The following ARHGEF26 variants were observed in gnomAD, a reference collection of about 807,000 sequenced individuals.
The protein encoded by ARHGEF26 is Rho guanine nucleotide exchange factor (GEF) 26.
A neutral mutation model predicts 89.4 loss-of-function variants in ARHGEF26; 59 were observed. The ratio of observed to expected loss-of-function variants is 0.66; its 90% CI spans 0.54 to 0.82. ARHGEF26 has a LOEUF of 0.82. Ranked by LOEUF, ARHGEF26 falls within the 40% of genes least tolerant of loss-of-function variation. The pLI is 0.00. For synonymous variants in ARHGEF26, 500 were observed against 428.4 expected, an observed-to-expected ratio of 1.17 and a Z score of -2.06; for missense variants, 1,234 against 1,085.6, an observed-to-expected ratio of 1.14 and a Z score of -1.92.
chr3:154,123,115 G>A (rs778716351), intron 2 of ARHGEF26, 40 bp downstream of exon 2: 2 of 1,607,384 alleles, frequency 1.2e-6, no homozygotes, highest in East Asian at 4.5e-5. Flanking sequence ...TTCACTAAGC[G>A]GAAAGTAAAT....
intron 7 of ARHGEF26, among the ~76,000 whole-genome samples, chr3:154,189,615 G>A (rs1270338611): frequency 1.3e-5 from 2 of 152,084 alleles, no homozygotes; most frequent in South Asian, 2.1e-4. Context: ...GGGATTACAC[G>A]CGTAAGCCAC....
chr3:154,217,459 C>T (rs576095136), intron 9 of ARHGEF26, among the ~76,000 whole-genome samples: 12 of 152,032 alleles, frequency 7.9e-5, no homozygotes, highest in South Asian at 4.2e-4. Flanking sequence ...GAGTAGGTTG[C>T]GAAAATTTTC....
intron 6 of ARHGEF26, among the ~76,000 whole-genome samples, chr3:154,184,695 C>T (rs1713410882): frequency 1.3e-5 from 2 of 152,172 alleles, no homozygotes. Flanking sequence ...GTCAGCTTGC[C>T]CAGATTAGCC....
intron 11 of ARHGEF26, among the ~76,000 whole-genome samples, chr3:154,231,081 A>G (rs1430959614): frequency 6.6e-6 from 1 of 152,182 alleles, no homozygotes; most frequent in African/African-American, 2.4e-5. Context: ...TATCCTGGCT[A>G]AAGGAAAGGC....
At chr3:154,149,206 C>G (rs1158362694) in intron 4 of ARHGEF26, among the ~76,000 whole-genome samples, 183 bp from the exon 5 acceptor site, 1 of 146,764 alleles carries the variant, frequency 6.8e-6, no homozygotes, top group Non-Finnish European at 1.5e-5. Flanking sequence ...TATTGTCTGG[C>G]ACACTATAAA....
At chr3:154,187,192 C>T (rs1713622896) in intron 6 of ARHGEF26, 3 of 984,248 alleles carry the variant, frequency 3.0e-6, no homozygotes, top group Non-Finnish European at 3.6e-6. Context: ...ACCTCCTGGC[C>T]TCAGACTTAT....
intron 6 of ARHGEF26, among the ~76,000 whole-genome samples, chr3:154,174,441 T>A (rs544149365): frequency 1.2e-4 from 18 of 152,228 alleles, no homozygotes; most frequent in African/African-American, 4.3e-4. Flanking sequence ...ATACAATGGC[T>A]GGGGCTTGTG....
chr3:154,214,536 C>A (rs1246947074), intron 9 of ARHGEF26, among the ~76,000 whole-genome samples: 1 of 152,096 alleles, frequency 6.6e-6, no homozygotes, highest in Non-Finnish European at 1.5e-5. Flanking sequence ...CCAGGATAGA[C>A]AGTGTGGAGC....
At chr3:154,159,684 T>G (rs1711549241) in intron 6 of ARHGEF26, among the ~76,000 whole-genome samples, 1 of 152,144 alleles carries the variant, frequency 6.6e-6, no homozygotes, top group African/African-American at 2.4e-5. Flanking sequence ...TTTATGTAAA[T>G]AATAGTATAG....
intron 6 of ARHGEF26, among the ~76,000 whole-genome samples, chr3:154,168,165 C>T (rs376641211): frequency 7.2e-5 from 11 of 152,230 alleles, no homozygotes; most frequent in South Asian, 2.1e-4. Context: ...CAGATAGTAT[C>T]CCAGATCTCA....
At chr3:154,189,866 A>G (rs1327365690) in intron 7 of ARHGEF26, among the ~76,000 whole-genome samples, 1 of 151,842 alleles carries the variant, frequency 6.6e-6, no homozygotes, top group Non-Finnish European at 1.5e-5. Context: ...AAATCTTGTC[A>G]AAGCTATCAG....
chr3:154,246,768 G>A (rs1240479898), intron 12 of ARHGEF26, among the ~76,000 whole-genome samples: 1 of 152,146 alleles, frequency 6.6e-6, no homozygotes, highest in Admixed American at 6.5e-5. Context: ...AGATAGAAAT[G>A]TTATATTTTG....
rs753300510 is a variant in ARHGEF26 at position 154,256,209 on chromosome 3, T to TGAGA, written c.*737_*740dup. ...TAGAATTTAGATGGGTTCATATATG[T>TGAGA]GAGAAAAACCTGAATATAGGACAGG... is the stretch of plus-strand genomic sequence containing the variant. On this transcript the variant is annotated 3_prime_UTR_variant, in exon 15 of 15. Transcript: ENST00000465093. 2.2e-4 allele frequency: 220 copies of TGAGA among 985,620 alleles called. 1 individual carries two copies. The highest frequency in any genetic ancestry group is 2.5e-4 in the Non-Finnish European group (204 of 830,006). 61.1% of individuals were successfully genotyped at this position (985,620 alleles called of 1,614,324 possible).
At chr3:154,244,589 T>C (rs1310457247) in intron 12 of ARHGEF26, among the ~76,000 whole-genome samples, 1 of 152,176 alleles carries the variant, frequency 6.6e-6, no homozygotes, top group Non-Finnish European at 1.5e-5. Flanking sequence ...TGAATGATAC[T>C]CTTTTTGACT....
chr3:154,160,586 C>A (rs1173115204), intron 6 of ARHGEF26, among the ~76,000 whole-genome samples: 1 of 152,098 alleles, frequency 6.6e-6, no homozygotes, highest in Non-Finnish European at 1.5e-5. Flanking sequence ...TCCAGTAATG[C>A]AGGAAAGTTT....
At chr3:154,189,919 G>T (rs1713842898) in intron 7 of ARHGEF26, among the ~76,000 whole-genome samples, 1 of 151,772 alleles carries the variant, frequency 6.6e-6, no homozygotes, top group South Asian at 2.1e-4. Flanking sequence ...AAATGGAAAT[G>T]AATTGTTTCT....
chr3:154,141,123 G>A (rs1206117478), intron 4 of ARHGEF26, among the ~76,000 whole-genome samples: 3 of 151,892 alleles, frequency 2.0e-5, no homozygotes, highest in African/African-American at 2.4e-5. Flanking sequence ...CACCTTGCCC[G>A]GCTGATTTTT....
intron 10 of ARHGEF26, among the ~76,000 whole-genome samples, chr3:154,221,780 T>C (rs983310219): frequency 6.6e-6 from 1 of 152,214 alleles, no homozygotes; most frequent in Non-Finnish European, 1.5e-5. Flanking sequence ...AAACTAGTTA[T>C]TGGTCATTAC....
intron 11 of ARHGEF26, among the ~76,000 whole-genome samples, chr3:154,228,375 G>A (rs1038137603): frequency 1.3e-5 from 2 of 151,522 alleles, no homozygotes; most frequent in Non-Finnish European, 2.9e-5. Flanking sequence ...GACCTCAGGT[G>A]ATCTGCCTGT....
Sources: gnomAD v4.1 joint callset for allele counts (sites outside exome capture counted in the v4.1 genomes callset) on GRCh38, gnomAD v4.1.1 for gene constraint, MANE v1.5 for transcripts, NCBI Gene and HGNC (gene_info 2026-07-23, HGNC 2026-07-21) for gene names.